The following ADGB variants were observed in gnomAD, a reference collection of about 807,000 sequenced individuals.
The protein encoded by ADGB is calpain-7-like protein.
ADGB carries 172 observed loss-of-function variants against 210.5 expected under a neutral mutation model. That is an observed-to-expected ratio of 0.82 (90% confidence interval 0.72 to 0.93). ADGB has a LOEUF of 0.93. Ranked by LOEUF, ADGB falls within the 40% of genes least tolerant of loss-of-function variation. ADGB has a pLI of 0.00. For synonymous variants in ADGB, 658 were observed against 662.7 expected, an observed-to-expected ratio of 0.99 and a Z score of 0.11; for missense variants, 2,025 against 1,964.8, an observed-to-expected ratio of 1.03 and a Z score of -0.58.
Position 146,815,083 on chromosome 6 carries a change from A to G in ADGB, c.4870A>G (p.Arg1624Gly), listed in dbSNP as rs559974348. 4 of 1,548,532 alleles carry G rather than the reference A, an allele frequency of 2.6e-6. No individual in the cohort carries two copies. The East Asian group carries it at 7.4e-5, about 29-fold the overall frequency. ...AATTTTCGACATCCGGGAAGAGTACAGAAACAAATTGCTGGAAGCTGAGCA... is the reference window on the plus strand; with the variant it reads ...AATTTTCGACATCCGGGAAGAGTACGGAAACAAATTGCTGGAAGCTGAGCA... Reference protein sequence around the residue: ...QKIFDIREEYRNKLLEAEHLK... With the variant: ...QKIFDIREEYGNKLLEAEHLK... Residue 1624 changes from arginine (R) to glycine (G), a missense_variant, in exon 36 of 36, where the codon AGA becomes GGA. Coordinates refer to ENST00000397944, the MANE Select transcript of ADGB (RefSeq NM_024694.4).
At chr6:146,628,854 A>C (rs1182965393) in intron 1 of ADGB, among the ~76,000 whole-genome samples, 1 of 152,112 alleles carries the variant, frequency 6.6e-6, no homozygotes, top group Non-Finnish European at 1.5e-5. Context: ...TATTGAAATT[A>C]TCTGTCTACC....
chr6:146,708,613 T>C (rs186273454), intron 13 of ADGB, among the ~76,000 whole-genome samples: 1 of 152,252 alleles, frequency 6.6e-6, no homozygotes, highest in African/African-American at 2.4e-5. Context: ...GCTTCATTTC[T>C]CTTGCTGCTT....
At chr6:146,660,299 A>G (rs920178372) in intron 5 of ADGB, among the ~76,000 whole-genome samples, 55 of 152,336 alleles carry the variant, frequency 3.6e-4, no homozygotes, top group African/African-American at 1.3e-3. Context: ...TTGTTCCAAA[A>G]TGGAAATGCT....
At chr6:146,749,042 G>A (rs1777283314) in intron 26 of ADGB, among the ~76,000 whole-genome samples, 1 of 152,056 alleles carries the variant, frequency 6.6e-6, no homozygotes, top group South Asian at 2.1e-4. Flanking sequence ...TGGTAGGCGG[G>A]GACACAATTC....
chr6:146,740,391 T>C lies in ADGB; in HGVS notation c.2889-68T>C. The C allele has an allele frequency of 1.0e-5, 14 of 1,339,520 alleles. 1 individual carries two copies. In the South Asian group the frequency reaches 2.1e-4, roughly 20 times the overall value. 83.0% of individuals were successfully genotyped at this position (1,339,520 alleles called of 1,614,324 possible). A position where few individuals can be genotyped will look rare whatever the true frequency, so the allele number is the denominator to read the frequency against. On this transcript the variant is annotated intron_variant, in intron 23 of 35. Coordinates refer to ENST00000397944, the MANE Select transcript of ADGB (RefSeq NM_024694.4). ...CTTATACTATTTTTTGTCATTTCTTTTTGTAAATAGAGTTTATCTTTAAAG... is the reference window on the plus strand; with the variant it reads ...CTTATACTATTTTTTGTCATTTCTTCTTGTAAATAGAGTTTATCTTTAAAG...
intron 27 of ADGB, among the ~76,000 whole-genome samples, chr6:146,760,566 A>G (rs991565782): frequency 4.0e-5 from 6 of 151,896 alleles, no homozygotes; most frequent in African/African-American, 1.4e-4. Flanking sequence ...TGATAAGGAC[A>G]TGCTTGTACA....
At chr6:146,717,449 A>G in intron 15 of ADGB, 87 bp from the exon 16 acceptor site, 2 of 732,104 alleles carry the variant, frequency 2.7e-6, no homozygotes, top group South Asian at 2.2e-5. Context: ...CTTTCTTCCT[A>G]CAATAATTTG....
At chr6:146,776,478 C>T (rs1777724166) in intron 29 of ADGB, among the ~76,000 whole-genome samples, 1 of 151,492 alleles carries the variant, frequency 6.6e-6, no homozygotes. Context: ...AAAAGGTTAC[C>T]CTAAATTACG....
chr6:146,743,358 T>C (rs1777185089), intron 25 of ADGB, among the ~76,000 whole-genome samples: 2 of 152,170 alleles, frequency 1.3e-5, no homozygotes. Flanking sequence ...ACGAATCTGA[T>C]TATTATTTAC....
intron 1 of ADGB, chr6:146,600,303 A>G (rs1242335229): frequency 4.5e-6 from 1 of 224,400 alleles, no homozygotes; most frequent in Non-Finnish European, 9.5e-6. Context: ...AGGTCTTTTC[A>G]GCGTTGTCTA....
intron 1 of ADGB, among the ~76,000 whole-genome samples, chr6:146,613,965 T>C (rs1281177956): frequency 6.6e-6 from 1 of 152,050 alleles, no homozygotes; most frequent in Non-Finnish European, 1.5e-5. Flanking sequence ...CTCCAGATTA[T>C]GTAGGATATT....
chr6:146,716,848 C>A (rs73786719), intron 14 of ADGB, 35 bp from the exon 15 acceptor site: 29,918 of 1,460,792 alleles, frequency 0.02, 447 homozygotes, highest in African/African-American at 0.071. Flanking sequence ...TGTTATTTAA[C>A]AATATAAGAT....
intron 2 of ADGB, 83 bp from the exon 3 acceptor site, chr6:146,644,690 T>C: frequency 2.5e-6 from 2 of 812,220 alleles, no homozygotes. Flanking sequence ...ACCAAATCTA[T>C]GCACTTATTT....
chr6:146,699,983 C>A (rs17827328), intron 12 of ADGB, among the ~76,000 whole-genome samples: 1 of 152,088 alleles, frequency 6.6e-6, no homozygotes, highest in African/African-American at 2.4e-5. Flanking sequence ...TGATTGGATT[C>A]GACTAATCTA....
chr6:146,675,726 T>C (rs750186498), intron 8 of ADGB, among the ~76,000 whole-genome samples: 4 of 152,114 alleles, frequency 2.6e-5, no homozygotes, highest in African/African-American at 9.7e-5. Context: ...TGAAGAAGAA[T>C]ATGTTTTGTG....
chr6:146,616,010 ACTAGTTTACATTCCCAC>A lies in ADGB; in HGVS notation c.74+16898_74+16914del, dbSNP rs552916019. Among the ~76,000 whole-genome samples the A allele has an allele frequency of 6.8e-3, 1,035 of 152,228 alleles. 6 individuals carry two copies. Among genetic ancestry groups the A allele is most frequent in the African/African-American group, 0.023 (960 of 41,530 alleles). On this transcript the variant is annotated intron_variant, in intron 1 of 35. Coordinates refer to ENST00000397944, the MANE Select transcript of ADGB (RefSeq NM_024694.4). Reference sequence around the variant, plus strand: ...CCTTACTGTTTTTCATAGTAGCTGTACTAGTTTACATTCCCACCAGCAGTGTACTAGCATTCCTCTTT... The same window carrying A: ...CCTTACTGTTTTTCATAGTAGCTGTACAGCAGTGTACTAGCATTCCTCTTT...
chr6:146,662,925 T>G (rs9497595), intron 5 of ADGB, among the ~76,000 whole-genome samples: 8 of 146,846 alleles, frequency 5.4e-5, no homozygotes, highest in Non-Finnish European at 7.5e-5. Flanking sequence ...ATATATAATA[T>G]ATATATAACT....
At chr6:146,648,862 C>A (rs1775658438) in intron 3 of ADGB, among the ~76,000 whole-genome samples, 1 of 151,522 alleles carries the variant, frequency 6.6e-6, no homozygotes, top group Non-Finnish European at 1.5e-5. Context: ...GTTAAATTTT[C>A]ATGAAAACCT....
At chr6:146,784,416 G>A (rs1480102466) in intron 30 of ADGB, among the ~76,000 whole-genome samples, 4 of 152,006 alleles carry the variant, frequency 2.6e-5, no homozygotes, top group Admixed American at 6.6e-5. Flanking sequence ...TCCATTCCTC[G>A]ATTGATAGAC....
Sources: allele counts gnomAD v4.1 joint callset (sites outside exome capture counted in the v4.1 genomes callset), GRCh38; gene constraint gnomAD v4.1.1; transcripts MANE v1.5; gene names NCBI Gene and HGNC (gene_info 2026-07-23, HGNC 2026-07-21).